Variants in FRYL observed in about 807,000 individuals in gnomAD.
FRYL encodes protein furry homolog-like.
FRYL carries 150 observed loss-of-function variants against 351.2 expected under a neutral mutation model. The ratio of observed to expected loss-of-function variants is 0.43; its 90% CI spans 0.37 to 0.49. The LOEUF is 0.49. Ranked by LOEUF, FRYL falls within the 20% of genes least tolerant of loss-of-function variation. The pLI is 0.00. For missense variants in FRYL, 3,036 were observed against 3,619.3 expected, an observed-to-expected ratio of 0.84 and a Z score of 4.13; for synonymous variants, 1,153 against 1,257.1, an observed-to-expected ratio of 0.92 and a Z score of 1.75.
intron 38 of FRYL, 38 bp downstream of exon 38, chr4:48,550,554 C>A: frequency 8.3e-7 from 1 of 1,201,056 alleles, no homozygotes; most frequent in Non-Finnish European, 1.2e-6. Flanking sequence ...ATACACCTCA[C>A]CCTTATAGTT....
chr4:48,612,342 A>C (rs895327156), intron 7 of FRYL, among the ~76,000 whole-genome samples: 28 of 152,234 alleles, frequency 1.8e-4, no homozygotes, highest in Admixed American at 1.2e-3. Context: ...TTCTCTTGTC[A>C]GTTCAGTTTG....
In FRYL at chr4:48,540,485, T is replaced by C. The variant is rs1207549933; in HGVS notation, c.6163A>G (p.Asn2055Asp). 9 of 1,613,984 alleles carry C rather than the reference T, an allele frequency of 5.6e-6. No individual in the cohort carries two copies. The highest frequency in any genetic ancestry group is 7.6e-6 in the Non-Finnish European group (9 of 1,179,960). Residue 2055 changes from asparagine (N) to aspartate (D), a missense_variant, in exon 46 of 64, where the codon AAT becomes GAT. Physicochemically the swap from Asn to Asp is conservative, Grantham distance 23. Coordinates refer to ENST00000358350, the MANE Select transcript of FRYL (RefSeq NM_015030.2). ...ENVQSKLKWTNFPGLQQLFLK... is the reference protein window; with the variant it reads ...ENVQSKLKWTDFPGLQQLFLK... ...AAGAGCTGCTGAAGTCCTGGAAAAT[T>C]AGTCCATTTCAATTTGCTTTGTACA...
chr4:48,623,275 T>C (rs1344071632), intron 4 of FRYL, 96 bp from the exon 5 acceptor site: 1 of 762,970 alleles, frequency 1.3e-6, no homozygotes, highest in Non-Finnish European at 2.0e-6. Context: ...GATTTGTGCG[T>C]TTGGTTTTGC....
At chr4:48,747,995 C>T (rs527533227) in intron 1 of FRYL, among the ~76,000 whole-genome samples, 10 of 152,284 alleles carry the variant, frequency 6.6e-5, no homozygotes, top group Non-Finnish European at 1.2e-4. Flanking sequence ...CCTGTAATGC[C>T]AGCACTCTGG....
chr4:48,607,827 A>G (rs1340424811), intron 9 of FRYL, among the ~76,000 whole-genome samples: 4 of 152,184 alleles, frequency 2.6e-5, no homozygotes, highest in African/African-American at 4.8e-5. Context: ...TGGACTTACT[A>G]TCCTTGCCAT....
intron 2 of FRYL, among the ~76,000 whole-genome samples, chr4:48,690,200 C>T (rs535245910): frequency 2.2e-4 from 33 of 152,068 alleles, no homozygotes; most frequent in East Asian, 7.7e-4. Flanking sequence ...CCACCGCGCC[C>T]GGCCAGTAGA....
intron 3 of FRYL, among the ~76,000 whole-genome samples, chr4:48,683,482 A>G (rs1764873651): frequency 6.6e-6 from 1 of 152,006 alleles, no homozygotes; most frequent in East Asian, 1.9e-4. Flanking sequence ...TTTAATTCTT[A>G]TTCTCCTATC....
chr4:48,528,501 A>T (rs1726781213), intron 50 of FRYL, among the ~76,000 whole-genome samples, 165 bp from the exon 51 acceptor site: 1 of 152,104 alleles, frequency 6.6e-6, no homozygotes, highest in African/African-American at 2.4e-5. Flanking sequence ...AGGTAATGAT[A>T]TATATATATT....
At chr4:48,674,509 G>A (rs923387935) in intron 3 of FRYL, among the ~76,000 whole-genome samples, 9 of 151,932 alleles carry the variant, frequency 5.9e-5, no homozygotes, top group African/African-American at 1.9e-4. Flanking sequence ...AGGCCAAGGC[G>A]GGTAGATCAC....
At chr4:48,507,722 TAGATA>T (rs1560506689) in intron 59 of FRYL, among the ~76,000 whole-genome samples, 8 of 151,678 alleles carry the variant, frequency 5.3e-5, no homozygotes, top group African/African-American at 1.9e-4. Flanking sequence ...AGATGATAGA[TAGATA>T]GATAGATAGA....
chr4:48,691,444 A>C (rs192655383), intron 2 of FRYL, among the ~76,000 whole-genome samples: 1 of 152,178 alleles, frequency 6.6e-6, no homozygotes, highest in African/African-American at 2.4e-5. Flanking sequence ...ATACATTTTT[A>C]CAAAGTGAAA....
At chr4:48,679,616 G>A (rs1430624349) in intron 3 of FRYL, among the ~76,000 whole-genome samples, 1 of 152,032 alleles carries the variant, frequency 6.6e-6, no homozygotes, top group East Asian at 1.9e-4. Flanking sequence ...AAGTTCTAGT[G>A]TTCTATACCA....
At chr4:48,709,898 A>G (rs1426706804) in intron 2 of FRYL, among the ~76,000 whole-genome samples, 1 of 152,200 alleles carries the variant, frequency 6.6e-6, no homozygotes, top group African/African-American at 2.4e-5. Flanking sequence ...ATTCTTAAAC[A>G]GTAGGCATTG....
chr4:48,554,432 C>T (rs1488912223), intron 35 of FRYL, among the ~76,000 whole-genome samples: 1 of 152,058 alleles, frequency 6.6e-6, no homozygotes, highest in East Asian at 1.9e-4. Flanking sequence ...TCTGCCTCCC[C>T]GGTTCAAGCA....
chr4:48,592,808 T>C (rs1743723096), intron 16 of FRYL, among the ~76,000 whole-genome samples: 1 of 152,182 alleles, frequency 6.6e-6, no homozygotes, highest in Non-Finnish European at 1.5e-5. Flanking sequence ...ATTATTAAAC[T>C]ATCTTAAAAA....
chr4:48,694,047 C>T (rs1038571832), intron 2 of FRYL, among the ~76,000 whole-genome samples: 5 of 152,106 alleles, frequency 3.3e-5, no homozygotes, highest in East Asian at 1.9e-4. Flanking sequence ...GATCTCACTG[C>T]ATATTTTTTA....
At chr4:48,538,728 T>C (rs559434733) in intron 47 of FRYL, among the ~76,000 whole-genome samples, 47 of 152,296 alleles carry the variant, frequency 3.1e-4, no homozygotes, top group Middle Eastern at 3.4e-3. Flanking sequence ...CTTTTTTTTT[T>C]TCTCCTGGTG....
chr4:48,733,218 T>C (rs954114788), intron 1 of FRYL, among the ~76,000 whole-genome samples: 3 of 151,306 alleles, frequency 2.0e-5, no homozygotes, highest in Non-Finnish European at 2.9e-5. Context: ...GAGACTGCAG[T>C]GAGCCAAGAT....
chr4:48,555,984 T>G (rs1734029925), intron 35 of FRYL, among the ~76,000 whole-genome samples: 1 of 152,216 alleles, frequency 6.6e-6, no homozygotes, highest in African/African-American at 2.4e-5. Flanking sequence ...AACCTCTGCC[T>G]CCTGGGCTCA....
Sources: gnomAD v4.1 joint callset for allele counts (sites outside exome capture counted in the v4.1 genomes callset) on GRCh38, gnomAD v4.1.1 for gene constraint, MANE v1.5 for transcripts, NCBI Gene and HGNC (gene_info 2026-07-23, HGNC 2026-07-21) for gene names.